The following CWC22 variants were observed in gnomAD, a reference collection of about 807,000 sequenced individuals.
CWC22 encodes the protein pre-mRNA-splicing factor CWC22 homolog.
CWC22 carries 53 observed loss-of-function variants against 117.2 expected under a neutral mutation model. That is an observed-to-expected ratio of 0.45 (90% confidence interval 0.36 to 0.57). The LOEUF (loss-of-function observed/expected upper bound fraction) is 0.57, where lower values mean the gene tolerates loss of function less well. Ranked by LOEUF, CWC22 falls within the 20% of genes least tolerant of loss-of-function variation. The probability of loss-of-function intolerance (pLI) is 0.00; values close to 1 mark genes in which losing one functional copy is unlikely to be tolerated. For missense variants in CWC22, 980 were observed against 1,068.8 expected, an observed-to-expected ratio of 0.92 and a Z score of 1.16; for synonymous variants, 360 against 355.6, an observed-to-expected ratio of 1.01 and a Z score of -0.14.
At chr2:179,945,754 A>T in intron 19 of CWC22, 39 bp from the exon 20 acceptor site, 1 of 1,212,204 alleles carries the variant, frequency 8.2e-7, no homozygotes, top group Non-Finnish European at 1.2e-6. Context: ...CTTTTATTTC[A>T]ATCTTAATTT....
At chr2:179,952,201 G>C (rs1686467892) in intron 17 of CWC22, among the ~76,000 whole-genome samples, 1 of 151,970 alleles carries the variant, frequency 6.6e-6, no homozygotes, top group Non-Finnish European at 1.5e-5. Context: ...AATATCACTG[G>C]AGAATTCAAG....
chr2:179,945,567 CCTT>C lies in CWC22; in HGVS notation c.2286_2288del (p.Arg763del), dbSNP rs1200120695. 5 of 1,612,576 alleles carry C rather than the reference CCTT, an allele frequency of 3.1e-6. No individual in the cohort carries two copies. The highest frequency in any genetic ancestry group is 1.3e-5 in the African/African-American group (1 of 74,844). Reference sequence around the variant, plus strand: ...AATTTTGATCTCTGTGTTTTTCTGACCTTCTTTCTCTCTCAGTCCTTGTTTCCT... The same window carrying C: ...AATTTTGATCTCTGTGTTTTTCTGACCTTTCTCTCTCAGTCCTTGTTTCCT... On this transcript the variant is annotated inframe_deletion, in exon 20 of 20. Transcript: ENST00000410053.
chr2:179,945,329 T>C lies in CWC22; in HGVS notation c.2527A>G (p.Ser843Gly). Residue 843 changes from serine (S) to glycine (G), a missense_variant, in exon 20 of 20, where the codon AGT (serine) becomes GGT (glycine). Coordinates refer to ENST00000410053, the MANE Select transcript of CWC22 (RefSeq NM_020943.3). ...CTATCTTTTCTTCTGAAATTTTCAC[T>C]GTCTTTAATTCGGTGTGTATGCTTC... is the stretch of plus-strand genomic sequence containing the variant. ...NEKHTHRIKDSENFRRKDRSK... is the reference protein window; with the variant it reads ...NEKHTHRIKDGENFRRKDRSK... 3 of 1,613,454 alleles carry C rather than the reference T, an allele frequency of 1.9e-6. No homozygotes were observed. Among genetic ancestry groups the C allele is most frequent in the Non-Finnish European group, 2.5e-6 (3 of 1,179,758 alleles).
At chr2:179,983,917 G>A (rs1687350477) in intron 4 of CWC22, among the ~76,000 whole-genome samples, 1 of 152,144 alleles carries the variant, frequency 6.6e-6, no homozygotes, top group African/African-American at 2.4e-5. Context: ...CCAGGTAAGA[G>A]AGCTAGCTGG....
At chr2:179,967,139 G>A (rs980656281) in intron 11 of CWC22, among the ~76,000 whole-genome samples, 1 of 152,128 alleles carries the variant, frequency 6.6e-6, no homozygotes, top group Non-Finnish European at 1.5e-5. Context: ...TTTCCCAAAC[G>A]CTGTTAAGAG....
intron 19 of CWC22, among the ~76,000 whole-genome samples, chr2:179,948,377 TAAAAAATCACCATTAGGTGA>T (rs1686361652): frequency 8.5e-6 from 1 of 117,096 alleles, no homozygotes. Context: ...AACAGACAAA[TAAAAAATCACCATTAGGTGA>T]TTTTTTAACC....
rs1354603862 is a variant in CWC22, at chr2:179,947,847, T to C, written c.2141-2132A>G. On this transcript the variant is annotated intron_variant, in intron 19 of 19. Transcript: ENST00000410053. Reference sequence around the variant, plus strand: ...TTCAATTTAAGGCTACAGAGGAAAGTATTGATGCCATATTTGATGAAATAT... The same window carrying C: ...TTCAATTTAAGGCTACAGAGGAAAGCATTGATGCCATATTTGATGAAATAT... Among the ~76,000 whole-genome samples the C allele has an allele frequency of 2.0e-5, 3 of 152,284 alleles. No homozygotes were observed. The East Asian group carries it at 5.8e-4, about 29-fold the overall frequency.
chr2:179,958,150 G>A (rs1232714694), intron 14 of CWC22, among the ~76,000 whole-genome samples: 1 of 151,900 alleles, frequency 6.6e-6, no homozygotes, highest in Admixed American at 6.6e-5. Flanking sequence ...GGTCAACATG[G>A]TGAAACACCA....
chr2:179,958,867 G>A (rs1318551693), intron 14 of CWC22, among the ~76,000 whole-genome samples, 155 bp downstream of exon 14: 2 of 152,068 alleles, frequency 1.3e-5, no homozygotes, highest in Admixed American at 6.5e-5. Context: ...AACACCCTAA[G>A]CTTTGTGTTA....
chr2:179,962,935 T>C (rs969167618), intron 13 of CWC22, among the ~76,000 whole-genome samples: 3 of 151,966 alleles, frequency 2.0e-5, no homozygotes, highest in Non-Finnish European at 4.4e-5. Flanking sequence ...CAATTATAAA[T>C]AAAAATTAAC....
At chr2:179,983,744 A>G (rs1214591677) in intron 4 of CWC22, among the ~76,000 whole-genome samples, 2 of 152,124 alleles carry the variant, frequency 1.3e-5, no homozygotes, top group African/African-American at 4.8e-5. Flanking sequence ...GATGGGGGAA[A>G]GAGTGATTTC....
rs10497553 is a variant in CWC22 at position 179,958,863 on chromosome 2, C to T, written c.1458+159G>A. On this transcript the variant is annotated intron_variant, in intron 14 of 19. Coordinates refer to ENST00000410053, the MANE Select transcript of CWC22 (RefSeq NM_020943.3). ...GAGTGAGCAATATATCTGAAACACC[C>T]TAAGCTTTGTGTTAACTTAAAATGA... 0.53 allele frequency among the ~76,000 whole-genome samples: 81,273 copies of T among 151,968 alleles called. 23,145 individuals carry two copies. Among genetic ancestry groups the T allele is most frequent in the Non-Finnish European group, 0.66 (44,568 of 67,958 alleles).
intron 2 of CWC22, among the ~76,000 whole-genome samples, chr2:179,989,062 C>T (rs1450432326): frequency 2.0e-5 from 3 of 151,728 alleles, no homozygotes; most frequent in Non-Finnish European, 2.9e-5. Context: ...GTCTTTTATC[C>T]CTAACCACCC....
chr2:179,999,627 C>G (rs1392229927), intron 1 of CWC22, among the ~76,000 whole-genome samples: 2 of 152,170 alleles, frequency 1.3e-5, no homozygotes, highest in Non-Finnish European at 2.9e-5. Context: ...TAGCAAAACA[C>G]TTCTACCATT....
intron 19 of CWC22, among the ~76,000 whole-genome samples, chr2:179,948,881 T>C (rs141657356): frequency 1.4e-3 from 219 of 152,322 alleles, no homozygotes; most frequent in African/African-American, 5.1e-3. Context: ...ATCTGTAGTC[T>C]AGTCAATAAT....
chr2:179,976,130 T>C (rs1687146908), intron 6 of CWC22, among the ~76,000 whole-genome samples: 1 of 152,164 alleles, frequency 6.6e-6, no homozygotes. Flanking sequence ...TCGACAAAGA[T>C]GCTAAGAAGA....
chr2:179,954,617 T>C (rs938357468), intron 15 of CWC22, among the ~76,000 whole-genome samples: 1 of 152,068 alleles, frequency 6.6e-6, no homozygotes, highest in East Asian at 1.9e-4. Context: ...AGAAATATTT[T>C]AGATCATGCT....
chr2:179,952,402 C>CTTA lies in CWC22; in HGVS notation c.1817+66_1817+68dup, dbSNP rs1686473474. 2.5e-6 allele frequency: 3 copies of CTTA among 1,208,952 alleles called. No homozygotes were observed. In the East Asian group the frequency reaches 8.2e-5, roughly 33 times the overall value. The allele number at this position is 1,208,952 out of a possible 1,614,324, so 74.9% of individuals were successfully genotyped here. ...TCTTGTTTTTACAGTCTCGGATGGG[C>CTTA]TTATGTCTGCTACAATGGGAGAAAA... On this transcript the variant is annotated intron_variant, in intron 17 of 19. Coordinates refer to ENST00000410053, the MANE Select transcript of CWC22 (RefSeq NM_020943.3).
At chr2:180,002,694 G>A (rs960168636) in intron 1 of CWC22, among the ~76,000 whole-genome samples, 1 of 152,186 alleles carries the variant, frequency 6.6e-6, no homozygotes, top group African/African-American at 2.4e-5. Context: ...GGAAAAGAGG[G>A]TTTGGGACAT....
Sources: allele counts gnomAD v4.1 joint callset (sites outside exome capture counted in the v4.1 genomes callset), GRCh38; gene constraint gnomAD v4.1.1; transcripts MANE v1.5; gene names NCBI Gene and HGNC (gene_info 2026-07-23, HGNC 2026-07-21).